GSK3B: variants seen among roughly 807,000 people sequenced by gnomAD.
GSK3B encodes the protein glycogen synthase kinase 3 beta.
GSK3B carries 15 observed loss-of-function variants against 56.4 expected under a neutral mutation model. The ratio of observed to expected loss-of-function variants is 0.27; its 90% CI spans 0.18 to 0.41. The LOEUF is 0.41. Ranked by LOEUF, GSK3B falls within the 10% of genes least tolerant of loss-of-function variation. The probability of loss-of-function intolerance (pLI) is 1.00; values close to 1 mark genes in which losing one functional copy is unlikely to be tolerated. For synonymous variants in GSK3B, 181 were observed against 188.9 expected, an observed-to-expected ratio of 0.96 and a Z score of 0.34; for missense variants, 300 against 513.4, an observed-to-expected ratio of 0.58 and a Z score of 4.02.
chr3:120,041,788 A>G (rs777992555), intron 1 of GSK3B, among the ~76,000 whole-genome samples: 3 of 152,222 alleles, frequency 2.0e-5, no homozygotes, highest in Non-Finnish European at 4.4e-5. Context: ...CAAGTGATTG[A>G]AGGAAAAAGA....
intron 7 of GSK3B, among the ~76,000 whole-genome samples, chr3:119,878,078 T>C (rs1262664607): frequency 1.3e-5 from 2 of 152,210 alleles, no homozygotes; most frequent in African/African-American, 2.4e-5. Context: ...GAATTTGTTA[T>C]GTTTTTGTTG....
rs1206333670 is a variant in GSK3B, at chr3:120,093,334, A to T, written c.88+13T>A. On this transcript the variant is annotated intron_variant, in intron 1 of 10. Transcript: ENST00000264235. ...GAGGTGGAAAAGGGGTGTAAAATAA[A>T]ACCAATACTCACTGCTAACTTTCAT... is the stretch of plus-strand genomic sequence containing the variant. 6.4e-7 allele frequency: 1 copy of T among 1,574,302 alleles called. No individual in the cohort carries two copies. Among genetic ancestry groups the T allele is most frequent in the South Asian group, 1.1e-5 (1 of 90,240 alleles).
At chr3:120,048,846 T>A (rs12489805) in intron 1 of GSK3B, among the ~76,000 whole-genome samples, 2,570 of 152,314 alleles carry the variant, frequency 0.017, 130 homozygotes, top group Admixed American at 0.11. Context: ...TGTTAATACA[T>A]CAACTTAGCA....
At chr3:119,871,799 C>T (rs1458862553) in intron 8 of GSK3B, among the ~76,000 whole-genome samples, 1 of 152,070 alleles carries the variant, frequency 6.6e-6, no homozygotes, top group Non-Finnish European at 1.5e-5. Flanking sequence ...CTGCATGGTC[C>T]CTTCAAAGTG....
chr3:119,948,692 CTTTGTTTTTTTG>C (rs1169673657), intron 2 of GSK3B, among the ~76,000 whole-genome samples: 1 of 151,972 alleles, frequency 6.6e-6, no homozygotes, highest in Non-Finnish European at 1.5e-5. Context: ...TATTTCTATA[CTTTGTTTTTTTG>C]TTTGTTTGTT....
chr3:120,033,284 AT>A (rs1303548687), intron 1 of GSK3B, among the ~76,000 whole-genome samples: 2 of 152,194 alleles, frequency 1.3e-5, no homozygotes, highest in African/African-American at 2.4e-5. Context: ...ACTTTTAGCT[AT>A]TATGAATAAT....
chr3:120,055,148 A>G (rs776218408), intron 1 of GSK3B, among the ~76,000 whole-genome samples: 4 of 152,204 alleles, frequency 2.6e-5, no homozygotes, highest in Non-Finnish European at 5.9e-5. Context: ...ATCACAGAAC[A>G]TGTGTATTTC....
At chr3:119,839,716 T>G (rs1232762339) in intron 10 of GSK3B, among the ~76,000 whole-genome samples, 1 of 152,186 alleles carries the variant, frequency 6.6e-6, no homozygotes, top group Admixed American at 6.5e-5. Context: ...ATTATTTAAG[T>G]ATTATTTTGC....
intron 4 of GSK3B, among the ~76,000 whole-genome samples, chr3:119,922,328 T>C (rs1393977151): frequency 6.7e-6 from 1 of 148,172 alleles, no homozygotes; most frequent in African/African-American, 2.5e-5. Context: ...ACATAAAGTA[T>C]ATATATACTT....
intron 9 of GSK3B, among the ~76,000 whole-genome samples, chr3:119,844,142 C>T (rs1307299311): frequency 6.6e-6 from 1 of 152,112 alleles, no homozygotes; most frequent in African/African-American, 2.4e-5. Context: ...AAAGACACAA[C>T]ATACCAGAAT....
intron 6 of GSK3B, among the ~76,000 whole-genome samples, chr3:119,911,619 ATTAAAACTC>A (rs1343853340): frequency 6.6e-6 from 1 of 152,228 alleles, no homozygotes; most frequent in Admixed American, 6.5e-5. Flanking sequence ...TTTGGTCTCC[ATTAAAACTC>A]TGATGTTTAA....
At chr3:120,037,800 C>T (rs1439804389) in intron 1 of GSK3B, among the ~76,000 whole-genome samples, 2 of 152,036 alleles carry the variant, frequency 1.3e-5, no homozygotes, top group Non-Finnish European at 2.9e-5. Flanking sequence ...TATTCTAGGT[C>T]AGTCATTAAA....
At chr3:120,022,881 T>C (rs1413093679) in intron 1 of GSK3B, among the ~76,000 whole-genome samples, 5 of 152,340 alleles carry the variant, frequency 3.3e-5, no homozygotes, top group Middle Eastern at 3.4e-3. Flanking sequence ...CTCTTATTGG[T>C]GGGTCATGGA....
In GSK3B at chr3:120,094,286, G is replaced by C. The variant is rs1164804503; in HGVS notation, c.-852C>G. 4.4e-6 allele frequency: 1 copy of C among 227,232 alleles called. No homozygotes were observed. Among genetic ancestry groups the C allele is most frequent in the Non-Finnish European group, 8.8e-6 (1 of 113,630 alleles). 14.1% of individuals were successfully genotyped at this position (227,232 alleles called of 1,614,324 possible). ...CGCCCCTCGGCTCTGCTCGGTGCCCGCTCAGGAAGTGTCCGCGCTTTGCCC... is the reference window on the plus strand; with the variant it reads ...CGCCCCTCGGCTCTGCTCGGTGCCCCCTCAGGAAGTGTCCGCGCTTTGCCC... On this transcript the variant is annotated 5_prime_UTR_variant, in exon 1 of 11. Transcript: ENST00000264235.
intron 1 of GSK3B, among the ~76,000 whole-genome samples, chr3:120,080,899 C>T (rs531505431): frequency 1.3e-5 from 2 of 152,022 alleles, no homozygotes; most frequent in South Asian, 4.1e-4. Flanking sequence ...TAAGTACATC[C>T]ATGATGAAAA....
chr3:119,875,799 C>T (rs1429420578), intron 8 of GSK3B, among the ~76,000 whole-genome samples: 4 of 151,852 alleles, frequency 2.6e-5, no homozygotes, highest in Non-Finnish European at 5.9e-5. Context: ...AAAAAAAGTT[C>T]CCTGGTACAT....
rs186652649 is a variant in GSK3B at position 119,896,448 on chromosome 3, C to A, written c.813+9307G>T. Reference sequence around the variant, plus strand: ...AAAAATACATGTAAAAATCTGTATACACATCAACCAGTTTTACTTTCCTTC... The same window carrying A: ...AAAAATACATGTAAAAATCTGTATAAACATCAACCAGTTTTACTTTCCTTC... On this transcript the variant is annotated intron_variant, in intron 7 of 10. Coordinates refer to ENST00000264235, the MANE Select transcript of GSK3B (RefSeq NM_001146156.2). Among the ~76,000 whole-genome samples the A allele has an allele frequency of 4.0e-3, 604 of 151,250 alleles. 3 individuals are homozygous for A. Among genetic ancestry groups the A allele is most frequent in the Non-Finnish European group, 6.5e-3 (443 of 67,994 alleles).
chr3:120,043,176 C>T (rs1388001004), intron 1 of GSK3B, among the ~76,000 whole-genome samples: 3 of 152,044 alleles, frequency 2.0e-5, no homozygotes, highest in Admixed American at 6.6e-5. Flanking sequence ...ACCTTACCTG[C>T]GGCTTCTAAC....
rs1055073255 is a variant in GSK3B, at chr3:119,936,352, A to T, written c.366+10916T>A. Among the ~76,000 whole-genome samples, 26 of 99,308 alleles carry T rather than the reference A, an allele frequency of 2.6e-4. No individual in the cohort carries two copies. In the Middle Eastern group the frequency reaches 0.014, roughly 55 times the overall value. 65.1% of individuals were successfully genotyped at this position (99,308 alleles called of 152,430 possible). A position where few individuals can be genotyped will look rare whatever the true frequency, so the allele number is the denominator to read the frequency against. On this transcript the variant is annotated intron_variant, in intron 3 of 10. Coordinates refer to ENST00000264235, the MANE Select transcript of GSK3B (RefSeq NM_001146156.2). Reference sequence around the variant, plus strand: ...ATATATAAAAAATATATATATATATATATTTTTTTTTTGAGACAAAGTCTC... The same window carrying T: ...ATATATAAAAAATATATATATATATTTATTTTTTTTTTGAGACAAAGTCTC...
Sources: allele counts gnomAD v4.1 joint callset (sites outside exome capture counted in the v4.1 genomes callset), GRCh38; gene constraint gnomAD v4.1.1; transcripts MANE v1.5; gene names NCBI Gene and HGNC (gene_info 2026-07-23, HGNC 2026-07-21).